DISP1: variants seen among roughly 807,000 people sequenced by gnomAD.
The protein encoded by DISP1 is protein dispatched homolog 1.
DISP1 carries 30 observed loss-of-function variants against 37.3 expected under a neutral mutation model. The ratio of observed to expected loss-of-function variants is 0.80; its 90% CI spans 0.60 to 1.09. The LOEUF (loss-of-function observed/expected upper bound fraction) is 1.09. DISP1 is among the 50% of genes least tolerant of loss of function. The probability of loss-of-function intolerance (pLI) is 0.00; values close to 1 mark genes in which losing one functional copy is unlikely to be tolerated. For synonymous variants in DISP1, 634 were observed against 690.2 expected, an observed-to-expected ratio of 0.92 and a Z score of 1.28; for missense variants, 1,598 against 1,879.5, an observed-to-expected ratio of 0.85 and a Z score of 2.77.
intron 1 of DISP1, among the ~76,000 whole-genome samples, chr1:222,902,957 A>T (rs1211003161): frequency 5.9e-5 from 9 of 151,794 alleles, no homozygotes; most frequent in Admixed American, 5.9e-4. Flanking sequence ...CTGGGTATAT[A>T]CCCAAAGGAC....
At chr1:222,936,793 TA>T in intron 2 of DISP1, among the ~76,000 whole-genome samples, 1 of 73,626 alleles carries the variant, frequency 1.4e-5, no homozygotes, top group Non-Finnish European at 2.4e-5. Flanking sequence ...ATAATATATA[TA>T]ATATATTATA....
chr1:222,900,932 A>G (rs1419818371), intron 1 of DISP1, among the ~76,000 whole-genome samples: 1 of 152,232 alleles, frequency 6.6e-6, no homozygotes, highest in African/African-American at 2.4e-5. Flanking sequence ...TGAGAAAAAT[A>G]AAAGCATATT....
intron 2 of DISP1, among the ~76,000 whole-genome samples, chr1:222,933,814 T>C (rs901275690): frequency 6.6e-6 from 1 of 152,038 alleles, no homozygotes; most frequent in African/African-American, 2.4e-5. Context: ...GAAGATTATA[T>C]TTCTTTATTT....
chr1:222,889,802 A>G (rs1020591374), intron 1 of DISP1, among the ~76,000 whole-genome samples: 3 of 152,098 alleles, frequency 2.0e-5, no homozygotes, highest in Admixed American at 6.5e-5. Context: ...GTACTTTTCC[A>G]TTTTGTTGTT....
At chr1:222,834,533 C>T (rs959884758) in intron 1 of DISP1, among the ~76,000 whole-genome samples, 11 of 152,226 alleles carry the variant, frequency 7.2e-5, no homozygotes, top group African/African-American at 9.6e-5. Context: ...AAGGCGTACA[C>T]GAGGTCTTAC....
At position 222,969,370 on chromosome 1, in the gene DISP1, C is replaced by CAAAAAAAAAAAAAAAAAAAAAAAAAAAA. The variant is rs71178518; in HGVS notation, c.510-13693_510-13692insAAAAAAAAAAAAAAAAAAAAAAAAAAAA. Among the ~76,000 whole-genome samples, 13 of 29,866 alleles carry CAAAAAAAAAAAAAAAAAAAAAAAAAAAA rather than the reference C, an allele frequency of 4.4e-4. 1 individual carries two copies. The highest frequency in any genetic ancestry group is 1.6e-3 in the East Asian group (1 of 610). The allele number at this position is 29,866 out of a possible 152,430, so 19.6% of individuals were successfully genotyped here. ...GGGCAAAAAGAGTGAAACTTGGTCT[C>CAAAAAAAAAAAAAAAAAAAAAAAAAAAA]AAAAAAAAAAAAAAAAATTACAAAG... On this transcript the variant is annotated intron_variant, in intron 3 of 8. Transcript: ENST00000675850.
intron 1 of DISP1, among the ~76,000 whole-genome samples, chr1:222,816,135 T>C (rs917723501): frequency 6.6e-6 from 1 of 150,692 alleles, no homozygotes; most frequent in Non-Finnish European, 1.5e-5. Context: ...TTTTTAAAAA[T>C]ATTGATAACC....
chr1:222,920,041 C>T (rs989034819), intron 1 of DISP1, among the ~76,000 whole-genome samples: 1 of 152,122 alleles, frequency 6.6e-6, no homozygotes, highest in African/African-American at 2.4e-5. Flanking sequence ...CGGAGTCTAA[C>T]TTTTGGAAAA....
At chr1:222,908,505 C>T (rs1672037977) in intron 1 of DISP1, among the ~76,000 whole-genome samples, 1 of 152,156 alleles carries the variant, frequency 6.6e-6, no homozygotes. Flanking sequence ...TCCCGATTCT[C>T]CTGCCTCAGC....
chr1:222,855,151 T>C (rs557178042), intron 1 of DISP1, among the ~76,000 whole-genome samples: 7 of 152,204 alleles, frequency 4.6e-5, no homozygotes, highest in South Asian at 2.1e-4. Context: ...TTACTGTTTG[T>C]GTACCAACTC....
intron 3 of DISP1, among the ~76,000 whole-genome samples, chr1:222,964,203 G>T (rs1278754811): frequency 6.6e-6 from 1 of 151,214 alleles, no homozygotes; most frequent in African/African-American, 2.4e-5. Flanking sequence ...GGAGCCTGAG[G>T]CAGGAGAGTC....
chr1:222,937,585 A>G (rs1674046930), intron 2 of DISP1, among the ~76,000 whole-genome samples: 1 of 152,146 alleles, frequency 6.6e-6, no homozygotes, highest in Non-Finnish European at 1.5e-5. Context: ...TAATCGAAAG[A>G]TGGTTTTTGG....
Position 223,005,464 on chromosome 1 carries a change from T to C in DISP1, c.4067T>C (p.Phe1356Ser). 6.2e-7 allele frequency: 1 copy of C among 1,613,702 alleles called. No individual in the cohort carries two copies. Among genetic ancestry groups the C allele is most frequent in the Non-Finnish European group, 8.5e-7 (1 of 1,180,008 alleles). The change falls in exon 9 of 9, where the codon TTC becomes TCC. Residue 1356 changes from phenylalanine (F) to serine (S), a missense_variant. Phe to Ser is a radical substitution (Grantham distance 155, BLOSUM62 -2). Transcript: ENST00000675850. ...GMQNSLPRNF[F>S]LHPVQHIQAQ... Reference sequence around the variant, plus strand: ...CAGAATTCTCTGCCTAGGAATTTTTTCCTCCACCCAGTGCAGCACATTCAG... The same window carrying C: ...CAGAATTCTCTGCCTAGGAATTTTTCCCTCCACCCAGTGCAGCACATTCAG...
chr1:222,939,515 C>A (rs1426095625), intron 2 of DISP1, among the ~76,000 whole-genome samples: 1 of 151,850 alleles, frequency 6.6e-6, no homozygotes, highest in African/African-American at 2.4e-5. Context: ...GTATTCAGTT[C>A]TTGCACTACC....
intron 2 of DISP1, among the ~76,000 whole-genome samples, chr1:222,934,033 C>T (rs180804804): frequency 2.4e-3 from 364 of 152,076 alleles, no homozygotes; most frequent in Non-Finnish European, 3.7e-3. Context: ...ATGTCTCTGG[C>T]GCTCTTGAAT....
intron 4 of DISP1, among the ~76,000 whole-genome samples, chr1:222,983,869 C>T (rs955762886): frequency 3.3e-5 from 5 of 151,924 alleles, no homozygotes; most frequent in African/African-American, 1.2e-4. Flanking sequence ...GATAAGAGTT[C>T]CTAAAAAAAG....
rs527914771 is a variant in DISP1, at chr1:223,003,782, A to G, written c.2385A>G (p.Pro795=). 2.5e-6 allele frequency: 4 copies of G among 1,614,222 alleles called. No individual in the cohort carries two copies. The South Asian group carries it at 4.4e-5, about 18-fold the overall frequency. The change falls in exon 9 of 9, where the codon CCA becomes CCG. Residue 795 remains proline (P), a synonymous_variant. Transcript: ENST00000675850. The surrounding 1 kb of genome is among the most constrained non-coding windows in gnomAD (Gnocchi z 4.3). ...MPITVIWGVS[P]EDNGNPLNPK... is the part of the protein sequence containing the mutation. ...TCACAGTAATCTGGGGCGTGTCCCC[A>G]GAAGACAATGGCAACCCACTAAATC...
At chr1:222,954,200 T>C (rs1319155575) in intron 3 of DISP1, among the ~76,000 whole-genome samples, 2 of 152,106 alleles carry the variant, frequency 1.3e-5, no homozygotes, top group East Asian at 1.9e-4. Context: ...TTGTGATCTA[T>C]TGCATCTTCT....
chr1:222,930,979 C>T (rs1673354726), intron 2 of DISP1, among the ~76,000 whole-genome samples: 1 of 152,014 alleles, frequency 6.6e-6, no homozygotes, highest in Non-Finnish European at 1.5e-5. Flanking sequence ...TTGCTGGACT[C>T]TGCAGGGAAG....
Sources: allele counts gnomAD v4.1 joint callset (sites outside exome capture counted in the v4.1 genomes callset), GRCh38; gene constraint gnomAD v4.1.1; non-coding constraint Gnocchi (gnomAD v3.1); transcripts MANE v1.5; gene names NCBI Gene and HGNC (gene_info 2026-07-23, HGNC 2026-07-21).